ARHGAP6: variants seen among roughly 807,000 people sequenced by gnomAD.
ARHGAP6 encodes the protein rho GTPase-activating protein 6.
Under a neutral mutation model 55.7 loss-of-function variants are expected in ARHGAP6, and 16 were observed. The observed-to-expected ratio is 0.29, with a 90% CI of 0.19 to 0.44. The LOEUF (loss-of-function observed/expected upper bound fraction) is 0.44. ARHGAP6 is among the 20% of genes least tolerant of loss of function. The pLI, the probability that ARHGAP6 is intolerant of heterozygous loss-of-function variation, is 1.00. For synonymous variants in ARHGAP6, 382 were observed against 360.9 expected, an observed-to-expected ratio of 1.06 and a Z score of -0.66; for missense variants, 698 against 808.9, an observed-to-expected ratio of 0.86 and a Z score of 1.66.
chrX:11,344,209 C>T (rs1246281678), intron 1 of ARHGAP6, among the ~76,000 whole-genome samples: 1 of 111,350 alleles, frequency 9.0e-6, no homozygotes, highest in African/African-American at 3.3e-5. Flanking sequence ...TATTTGGCAG[C>T]ATCCCTGGTC....
chrX:11,401,966 ATTAT>A (rs1333554323), intron 1 of ARHGAP6, among the ~76,000 whole-genome samples: 2 of 112,163 alleles, frequency 1.8e-5, no homozygotes, highest in Admixed American at 9.5e-5. Flanking sequence ...CAGTGGTGTT[ATTAT>A]TTAGTCAGAC....
intron 1 of ARHGAP6, among the ~76,000 whole-genome samples, chrX:11,467,984 GAATGAATGAATAAATAAATA>G (rs1254291831): frequency 0.015 from 687 of 45,776 alleles, 6 homozygotes; most frequent in African/African-American, 0.05. Context: ...TGTCTTAAAT[GAATGAATGAATAAATAAATA>G]AATAAATAAA....
chrX:11,597,143 G>T (rs1287960780), intron 1 of ARHGAP6, among the ~76,000 whole-genome samples: 1 of 111,682 alleles, frequency 9.0e-6, no homozygotes, highest in African/African-American at 3.3e-5. Flanking sequence ...CATTTACTCA[G>T]AAATATTTGT....
chrX:11,214,985 T>C (rs948702568), intron 2 of ARHGAP6, among the ~76,000 whole-genome samples: 13 of 113,277 alleles, frequency 1.1e-4, no homozygotes, highest in African/African-American at 3.5e-4. Flanking sequence ...AGTGTCGTTG[T>C]CTGGGGCCTG....
chrX:11,315,588 G>A (rs937929582), intron 1 of ARHGAP6, among the ~76,000 whole-genome samples: 4 of 111,768 alleles, frequency 3.6e-5, no homozygotes, highest in South Asian at 3.8e-4. Context: ...CTCAAAAGAC[G>A]AAGGCTGTTT....
At chrX:11,263,211 A>G (rs976761297) in intron 1 of ARHGAP6, among the ~76,000 whole-genome samples, 1 of 109,710 alleles carries the variant, frequency 9.1e-6, no homozygotes, top group Middle Eastern at 4.2e-3. Context: ...ATGGTTTTTT[A>G]AAAGGGCATG....
intron 8 of ARHGAP6, among the ~76,000 whole-genome samples, chrX:11,177,361 T>C (rs1379038269): frequency 1.8e-5 from 1 of 55,323 alleles, no homozygotes; most frequent in Admixed American, 2.2e-4. Context: ...AGATCTTAGA[T>C]TTGGTGGGCG....
At chrX:11,211,404 G>A (rs1030270522) in intron 2 of ARHGAP6, among the ~76,000 whole-genome samples, 20 of 108,052 alleles carry the variant, frequency 1.9e-4, no homozygotes, top group Admixed American at 8.0e-4. Flanking sequence ...CTAATTTTTT[G>A]TATTTTTAGT....
chrX:11,536,525 A>T (rs2051105801), intron 1 of ARHGAP6, among the ~76,000 whole-genome samples: 1 of 111,303 alleles, frequency 9.0e-6, no homozygotes, highest in Non-Finnish European at 1.9e-5. Context: ...CTCCAAATAA[A>T]CTCCTTGAAT....
chrX:11,659,410 T>C (rs1168853261), intron 1 of ARHGAP6, among the ~76,000 whole-genome samples: 1 of 109,777 alleles, frequency 9.1e-6, no homozygotes, highest in African/African-American at 3.3e-5. Context: ...GACTGCCAGA[T>C]GATTATTCCT....
chrX:11,553,066 C>T lies in ARHGAP6; in HGVS notation c.588+111175G>A, dbSNP rs139520014. Among the ~76,000 whole-genome samples the T allele has an allele frequency of 9.2e-3, 1,017 of 110,837 alleles. 13 individuals are homozygous for T. Among genetic ancestry groups the T allele is most frequent in the African/African-American group, 0.032 (965 of 30,504 alleles). Reference sequence around the variant, plus strand: ...TCAAAAATGTATACATATGTCAAGACGTTAAAAACAAGACCAGGGGAACTT... The same window carrying T: ...TCAAAAATGTATACATATGTCAAGATGTTAAAAACAAGACCAGGGGAACTT... On this transcript the variant is annotated intron_variant, in intron 1 of 12. Coordinates refer to ENST00000337414, the MANE Select transcript of ARHGAP6 (RefSeq NM_013427.3).
intron 1 of ARHGAP6, among the ~76,000 whole-genome samples, chrX:11,574,647 GC>G (rs1256268433): frequency 9.1e-5 from 10 of 110,196 alleles, no homozygotes; most frequent in Admixed American, 5.8e-4. Flanking sequence ...CTGGAAGCAT[GC>G]CCTTTGAAAA....
chrX:11,502,974 C>T (rs1433334946), intron 1 of ARHGAP6, among the ~76,000 whole-genome samples: 1 of 110,746 alleles, frequency 9.0e-6, no homozygotes, highest in South Asian at 3.9e-4. Flanking sequence ...TGACTCACTG[C>T]AACCTTCACC....
At chrX:11,585,579 T>G (rs2051723594) in intron 1 of ARHGAP6, among the ~76,000 whole-genome samples, 1 of 112,826 alleles carries the variant, frequency 8.9e-6, no homozygotes, top group African/African-American at 3.2e-5. Flanking sequence ...GTATGTGTTC[T>G]TTTGAAAGGT....
intron 1 of ARHGAP6, among the ~76,000 whole-genome samples, chrX:11,451,437 A>G (rs186322262): frequency 1.0e-3 from 115 of 112,312 alleles, no homozygotes; most frequent in Non-Finnish European, 1.7e-3. Flanking sequence ...TTCACAGAAC[A>G]ATCAGTCCAC....
intron 1 of ARHGAP6, among the ~76,000 whole-genome samples, chrX:11,303,162 T>A (rs1218176371): frequency 6.2e-5 from 7 of 112,731 alleles, no homozygotes; most frequent in Non-Finnish European, 1.3e-4. Flanking sequence ...CCACATTGCT[T>A]TAATAAAATA....
At chrX:11,525,850 T>C (rs1448637127) in intron 1 of ARHGAP6, among the ~76,000 whole-genome samples, 2 of 111,094 alleles carry the variant, frequency 1.8e-5, no homozygotes, top group Non-Finnish European at 1.9e-5. Flanking sequence ...TATTTACCCA[T>C]GTTGTTAGTA....
intron 1 of ARHGAP6, among the ~76,000 whole-genome samples, chrX:11,417,005 C>A (rs1465105263): frequency 1.1e-5 from 1 of 91,820 alleles, no homozygotes; most frequent in African/African-American, 4.2e-5. Flanking sequence ...TTACCACAAC[C>A]CTCAAACCCT....
intron 1 of ARHGAP6, among the ~76,000 whole-genome samples, chrX:11,640,802 G>A (rs1443765371): frequency 9.0e-6 from 1 of 111,290 alleles, no homozygotes; most frequent in African/African-American, 3.3e-5. Flanking sequence ...CCATCTGTGA[G>A]GTCTTCTTTG....
Sources: allele counts gnomAD v4.1 joint callset (sites outside exome capture counted in the v4.1 genomes callset), GRCh38; gene constraint gnomAD v4.1.1; transcripts MANE v1.5; gene names NCBI Gene and HGNC (gene_info 2026-07-23, HGNC 2026-07-21).